Variants in TMEM30A observed in about 807,000 individuals in gnomAD.
TMEM30A encodes the protein cell cycle control protein 50A.
Under a neutral mutation model 38.2 loss-of-function variants are expected in TMEM30A, and 24 were observed. The observed-to-expected ratio is 0.63, with a 90% CI of 0.46 to 0.88. TMEM30A has a LOEUF of 0.88. Ranked by LOEUF, TMEM30A falls within the 40% of genes least tolerant of loss-of-function variation. The probability of loss-of-function intolerance (pLI) is 0.00; values close to 1 mark genes in which losing one functional copy is unlikely to be tolerated. For synonymous variants in TMEM30A, 145 were observed against 161.6 expected (o/e 0.90, Z 0.78); for missense variants, 370 against 458.6 (o/e 0.81, Z 1.77).
At chr6:75,269,472 T>C (rs931021042) in intron 1 of TMEM30A, among the ~76,000 whole-genome samples, 1 of 152,264 alleles carries the variant, frequency 6.6e-6, no homozygotes, top group East Asian at 1.9e-4. Flanking sequence ...CATGGGTTCA[T>C]AGTTCATTTA....
intron 1 of TMEM30A, among the ~76,000 whole-genome samples, chr6:75,269,746 GC>G (rs565604091): frequency 1.1e-3 from 169 of 152,172 alleles, no homozygotes; most frequent in African/African-American, 4.0e-3. Flanking sequence ...ACCAGGCAGA[GC>G]GCAGTGGCAC....
chr6:75,259,164 TA>T (rs760267629), intron 5 of TMEM30A, among the ~76,000 whole-genome samples, 178 bp from the exon 6 acceptor site: 36 of 152,338 alleles, frequency 2.4e-4, no homozygotes, highest in Non-Finnish European at 5.0e-4. Context: ...AATTCATAAT[TA>T]AAAGTATACA....
intron 5 of TMEM30A, 99 bp from the exon 6 acceptor site, chr6:75,259,085 T>G: frequency 9.6e-7 from 1 of 1,043,936 alleles, no homozygotes; most frequent in Non-Finnish European, 1.4e-6. Flanking sequence ...TAGGGGTTTA[T>G]TCAAAAGAAG....
At chr6:75,261,500 A>T (rs2149519296) in intron 3 of TMEM30A, among the ~76,000 whole-genome samples, 1 of 152,338 alleles carries the variant, frequency 6.6e-6, no homozygotes, top group Non-Finnish European at 1.5e-5. Flanking sequence ...AATGCTGACA[A>T]GGCAGAACAT....
intron 6 of TMEM30A, among the ~76,000 whole-genome samples, chr6:75,257,688 A>G (rs1771887529): frequency 1.3e-5 from 2 of 152,186 alleles, no homozygotes; most frequent in African/African-American, 4.8e-5. Context: ...AGCCTGCCAT[A>G]GCAGGCCATA....
In TMEM30A at chr6:75,254,516, A is replaced by G. The variant is rs1771836590; in HGVS notation, c.*1586T>C. The G allele has an allele frequency of 6.6e-6, 1 of 152,204 alleles. No individual in the cohort carries two copies. The highest frequency in any genetic ancestry group is 2.4e-5 in the African/African-American group (1 of 41,470). The allele number at this position is 152,204 out of a possible 1,614,324, so 9.4% of individuals were successfully genotyped here. A position where few individuals can be genotyped will look rare whatever the true frequency, so the allele number is the denominator to read the frequency against. ...AGTTAAAAGTCATTATGAAACACAC[A>G]TTCTTTTAACTGAATTTCATATGTT... On this transcript the variant is annotated 3_prime_UTR_variant, in exon 7 of 7. Transcript: ENST00000230461.
chr6:75,269,433 A>G (rs568877561), intron 1 of TMEM30A, among the ~76,000 whole-genome samples: 40 of 152,288 alleles, frequency 2.6e-4, no homozygotes, highest in Non-Finnish European at 5.7e-4. Context: ...TCACTTAGTA[A>G]TACTCACTTA....
intron 1 of TMEM30A, among the ~76,000 whole-genome samples, chr6:75,278,130 C>T (rs1198042246): frequency 6.6e-6 from 1 of 152,048 alleles, no homozygotes; most frequent in Non-Finnish European, 1.5e-5. Flanking sequence ...ACTATGAAAT[C>T]AAGTTGGATT....
At chr6:75,263,260 T>C (rs1196294407) in intron 3 of TMEM30A, among the ~76,000 whole-genome samples, 1 of 152,182 alleles carries the variant, frequency 6.6e-6, no homozygotes, top group Non-Finnish European at 1.5e-5. Flanking sequence ...AGCTGGAGCA[T>C]GCCAAGAGGG....
chr6:75,267,634 C>T lies in TMEM30A; in HGVS notation c.345+7G>A, dbSNP rs776170098. 1.3e-6 allele frequency: 2 copies of T among 1,593,938 alleles called. No individual in the cohort carries two copies. Among genetic ancestry groups the T allele is most frequent in the Non-Finnish European group, 1.7e-6 (2 of 1,165,476 alleles). ...GCTTTTCTAGCACATTACTTGGAAA[C>T]ACAGACCTCAAATGACTTTTCCAGT... On this transcript the variant is annotated splice_region_variant and intron_variant, in intron 2 of 6. Transcript: ENST00000230461.
intron 3 of TMEM30A, among the ~76,000 whole-genome samples, chr6:75,264,936 C>A (rs777042086): frequency 6.6e-6 from 1 of 151,992 alleles, no homozygotes; most frequent in Non-Finnish European, 1.5e-5. Context: ...CCCATCTCTA[C>A]TAAAAATACA....
At chr6:75,257,219 T>C (rs1444282276) in intron 6 of TMEM30A, among the ~76,000 whole-genome samples, 1 of 152,174 alleles carries the variant, frequency 6.6e-6, no homozygotes, top group Non-Finnish European at 1.5e-5. Context: ...AAATTACCCA[T>C]GCTTGTCTCT....
rs139174067 is a variant in TMEM30A at position 75,259,390 on chromosome 6, G to A, written c.642C>T (p.Phe214=). 3.7e-5 allele frequency: 60 copies of A among 1,613,456 alleles called. No homozygotes were observed. The East Asian group carries it at 1.2e-3, about 32-fold the overall frequency. Residue 214 remains phenylalanine (F), a synonymous_variant, in exon 5 of 7, where the codon TTC becomes TTT. Coordinates refer to ENST00000230461, the MANE Select transcript of TMEM30A (RefSeq NM_018247.4). ...GGTTGTCTCCTCCAGGGGGATTTCT[G>A]AATTTCACATTTTTATCTGTCCACC... is the stretch of plus-strand genomic sequence containing the variant. The part of the protein sequence containing the change: ...IAWWTDKNVK[F]RNPPGGDNLE...
At chr6:75,259,232 G>C in intron 5 of TMEM30A, 115 bp downstream of exon 5, 1 of 1,188,106 alleles carries the variant, frequency 8.4e-7, no homozygotes, top group Non-Finnish European at 1.2e-6. Flanking sequence ...TGAAGCTGAG[G>C]AAAGAAAAAT....
chr6:75,263,803 G>A (rs1220599403), intron 3 of TMEM30A, among the ~76,000 whole-genome samples: 2 of 152,178 alleles, frequency 1.3e-5, no homozygotes, highest in Non-Finnish European at 2.9e-5. Flanking sequence ...TACAGAAAAA[G>A]TTGATCTATT....
chr6:75,274,610 G>A (rs1772228604), intron 1 of TMEM30A, among the ~76,000 whole-genome samples: 1 of 152,208 alleles, frequency 6.6e-6, no homozygotes, highest in South Asian at 2.1e-4. Context: ...AGTGCCTAGA[G>A]ATGGGATGAG....
At chr6:75,283,653 TAAA>T (rs77411428) in intron 1 of TMEM30A, among the ~76,000 whole-genome samples, 1 of 135,514 alleles carries the variant, frequency 7.4e-6, no homozygotes. Context: ...GCTCTTTTTG[TAAA>T]AAAAAAAAAC....
intron 1 of TMEM30A, among the ~76,000 whole-genome samples, chr6:75,283,298 T>C (rs1055008645): frequency 9.4e-6 from 1 of 105,970 alleles, no homozygotes; most frequent in African/African-American, 3.6e-5. Context: ...ACAAAGTATA[T>C]TTATTAAAAT....
chr6:75,276,051 G>A (rs1772254485), intron 1 of TMEM30A, among the ~76,000 whole-genome samples: 1 of 152,204 alleles, frequency 6.6e-6, no homozygotes, highest in Admixed American at 6.5e-5. Flanking sequence ...AGTCAATCAT[G>A]TGTACATAAT....
Sources: allele counts gnomAD v4.1 joint callset (sites outside exome capture counted in the v4.1 genomes callset), GRCh38; gene constraint gnomAD v4.1.1; transcripts MANE v1.5; gene names NCBI Gene and HGNC (gene_info 2026-07-23, HGNC 2026-07-21).